Variants in PCNT observed in about 807,000 individuals in gnomAD.
The protein encoded by PCNT is kendrin.
PCNT carries 319 observed loss-of-function variants against 380.4 expected under a neutral mutation model. The ratio of observed to expected loss-of-function variants is 0.84; its 90% CI spans 0.77 to 0.92. The LOEUF (loss-of-function observed/expected upper bound fraction) is 0.92. Ranked by LOEUF, PCNT falls within the 40% of genes least tolerant of loss-of-function variation. The probability of loss-of-function intolerance (pLI) is 0.00; values close to 1 mark genes in which losing one functional copy is unlikely to be tolerated. For synonymous variants in PCNT, 1,845 were observed against 1,735.2 expected, an observed-to-expected ratio of 1.06 and a Z score of -1.57; for missense variants, 4,400 against 4,255.3, an observed-to-expected ratio of 1.03 and a Z score of -0.95.
intron 24 of PCNT, 79 bp downstream of exon 24, chr21:46,398,334 C>T (rs907382782): frequency 1.5e-5 from 22 of 1,422,620 alleles, no homozygotes; most frequent in Non-Finnish European, 9.7e-7. Context: ...TGTCCTGCCA[C>T]CCACTCGCTT....
chr21:46,391,058 A>G, intron 20 of PCNT, 106 bp from the exon 21 acceptor site: 2 of 1,232,376 alleles, frequency 1.6e-6, no homozygotes, highest in Non-Finnish European at 2.3e-6. Context: ...GCTGGCTCTT[A>G]GCTCTGCTGC....
Position 46,418,317 on chromosome 21 carries a change from T to C in PCNT, c.7024+11T>C. 1.4e-6 allele frequency: 2 copies of C among 1,438,128 alleles called. No individual in the cohort carries two copies. The highest frequency in any genetic ancestry group is 2.0e-6 in the Non-Finnish European group (2 of 1,020,318). 89.1% of individuals were successfully genotyped at this position (1,438,128 alleles called of 1,614,324 possible). A position where few individuals can be genotyped will look rare whatever the true frequency, so the allele number is the denominator to read the frequency against. On this transcript the variant is annotated intron_variant, in intron 31 of 46. Coordinates refer to ENST00000359568, the MANE Select transcript of PCNT (RefSeq NM_006031.6). The stretch of plus-strand genomic sequence containing the variant: ...ATAGAAGTGAGAAAAGTGAGTTGGT[T>C]ATCTTTCATTTTTAATTTTTTATTT...
In PCNT at chr21:46,411,704, C is replaced by G. The variant is rs16979162; in HGVS notation, c.5631C>G (p.Ile1877Met). 2 of 1,612,582 alleles carry G rather than the reference C, an allele frequency of 1.2e-6. No homozygotes were observed. The highest frequency in any genetic ancestry group is 1.7e-6 in the Non-Finnish European group (2 of 1,179,842). Residue 1877 changes from isoleucine to methionine, a missense_variant, in exon 28 of 47, where the codon ATC becomes ATG. Physicochemically the swap from Ile to Met is conservative, Grantham distance 10 (BLOSUM62 1). Coordinates refer to ENST00000359568, the MANE Select transcript of PCNT (RefSeq NM_006031.6). Reference protein sequence around the residue: ...EATIAERNLEIDALNQRKAAH... With the variant: ...EATIAERNLEMDALNQRKAAH... ...CGATTGCCGAGAGAAATTTAGAAAT[C>G]GACGCTCTGAACCAGCGGAAGGCGG...
chr21:46,397,836 G>T (rs1382282389), intron 22 of PCNT, among the ~76,000 whole-genome samples, 178 bp from the exon 23 acceptor site: 4 of 152,228 alleles, frequency 2.6e-5, no homozygotes, highest in African/African-American at 9.6e-5. Context: ...TCCATGCAGA[G>T]AGCTGTTTTT....
intron 14 of PCNT, 64 bp from the exon 15 acceptor site, chr21:46,366,520 T>C: frequency 7.0e-7 from 1 of 1,432,782 alleles, no homozygotes; most frequent in Non-Finnish European, 9.8e-7. Context: ...CTGACTTGGC[T>C]TTTGCAAGGG....
intron 12 of PCNT, 148 bp from the exon 13 acceptor site, chr21:46,356,826 T>G (rs1349215075): frequency 1.4e-6 from 1 of 692,740 alleles, no homozygotes; most frequent in Non-Finnish European, 2.5e-6. Context: ...CCATGCCTGC[T>G]TTCATCACTG....
chr21:46,381,587 G>C, intron 15 of PCNT, 107 bp from the exon 16 acceptor site: 1 of 1,020,960 alleles, frequency 9.8e-7, no homozygotes, highest in East Asian at 2.4e-5. Flanking sequence ...TCTTGGTGCA[G>C]AGTGGGGGCT....
In PCNT at chr21:46,416,473, T is replaced by TCAGG; in HGVS notation, c.6556_6559dup (p.Asp2187AlafsTer43). 1 of 1,614,146 alleles carries TCAGG rather than the reference T, an allele frequency of 6.2e-7. No individual in the cohort carries two copies. Among genetic ancestry groups the TCAGG allele is most frequent in the Non-Finnish European group, 8.5e-7 (1 of 1,180,026 alleles). On this transcript the variant is annotated frameshift_variant, in exon 30 of 47. Transcript: ENST00000359568. LOFTEE classifies it high-confidence loss of function. ...CTCCCATTCAAGAAAAATCAGAATG[T>TCAGG]CAGGACATGTCTCTTTCTTCACCGA...
At chr21:46,443,266 C>A in intron 44 of PCNT, 1 of 163,904 alleles carries the variant, frequency 6.1e-6, no homozygotes, top group South Asian at 1.6e-4. Flanking sequence ...CATCCAGGCT[C>A]GAGTGCAATG....
chr21:46,386,108 T>A, intron 17 of PCNT, 125 bp downstream of exon 17: 2 of 1,127,778 alleles, frequency 1.8e-6, no homozygotes, highest in South Asian at 2.5e-5. Flanking sequence ...TGGCTCCTGG[T>A]GGACGGGGAC....
chr21:46,359,506 T>TTTTTTTTTTTTTTTTTTC (rs1384504010), intron 13 of PCNT, among the ~76,000 whole-genome samples: 2 of 126,232 alleles, frequency 1.6e-5, no homozygotes, highest in Admixed American at 8.1e-5. Flanking sequence ...TTTTTTTTTT[T>TTTTTTTTTTTTTTTTTTC]TGAGACAGTG....
chr21:46,388,720 T>C lies in PCNT; in HGVS notation c.3465-22T>C. On this transcript the variant is annotated intron_variant, in intron 17 of 46. Coordinates refer to ENST00000359568, the MANE Select transcript of PCNT (RefSeq NM_006031.6). This position sits in a 1 kb window ranked among gnomAD's most constrained non-coding sequence, Gnocchi z 4.2. ...CTTATGCCGTGACCAGCTTGCCTGATGATGGGTGTCTCCTGTCTCAGAGGG... is the reference window on the plus strand; with the variant it reads ...CTTATGCCGTGACCAGCTTGCCTGACGATGGGTGTCTCCTGTCTCAGAGGG... 2 of 1,613,250 alleles carry C rather than the reference T, an allele frequency of 1.2e-6. No individual in the cohort carries two copies. The highest frequency in any genetic ancestry group is 2.2e-5 in the East Asian group (1 of 44,864).
At chr21:46,355,774 AGTG>A in intron 12 of PCNT, 148 bp downstream of exon 12, 2 of 820,534 alleles carry the variant, frequency 2.4e-6, no homozygotes, top group Admixed American at 4.1e-5. Flanking sequence ...ACCTCAACAG[AGTG>A]TGTCCTGATG....
rs564012469 is a variant in PCNT, at chr21:46,416,895, G to A, written c.6921+56G>A. On this transcript the variant is annotated intron_variant, in intron 30 of 46. Transcript: ENST00000359568. The stretch of plus-strand genomic sequence containing the variant: ...GTTCCCGTGGGAATGTGGTCTGCCC[G>A]GCGCCACGGCAGCTGCCATTGTTTG... 511 of 1,547,338 alleles carry A rather than the reference G, an allele frequency of 3.3e-4. 4 individuals are homozygous for A. In the African/African-American group the frequency reaches 5.5e-3, roughly 17 times the overall value.
chr21:46,398,055 G>A lies in PCNT; in HGVS notation c.4488G>A (p.Gln1496=), dbSNP rs1475970111. The part of the protein sequence containing the change: ...AEREHEREEF[Q]QEIQRLEGQL... The stretch of plus-strand genomic sequence containing the variant: ...GGGAGCACGAGCGCGAGGAGTTCCA[G>A]CAGGAGATTCAGAGGCTGGAGGGGC... Residue 1496 remains glutamine (Q), a synonymous_variant, in exon 23 of 47, where the codon CAG becomes CAA. Transcript: ENST00000359568. 6.3e-7 allele frequency: 1 copy of A among 1,597,014 alleles called. No homozygotes were observed. Among genetic ancestry groups the A allele is most frequent in the Non-Finnish European group, 8.5e-7 (1 of 1,172,898 alleles).
At position 46,416,157 on chromosome 21, in the gene PCNT, T is replaced by G. The variant is rs773220026; in HGVS notation, c.6239T>G (p.Leu2080Trp). ...CAGCTTCAGGAAAAACTGAACCGTT[T>G]GCTGTATTCCATGACCTTCCAGAAT... is the stretch of plus-strand genomic sequence containing the variant. ...VKQLQEKLNR[L>W]LYSMTFQNVD... Residue 2080 changes from leucine to tryptophan, a missense_variant, in exon 30 of 47, where the codon TTG becomes TGG. Coordinates refer to ENST00000359568, the MANE Select transcript of PCNT (RefSeq NM_006031.6). 3.1e-6 allele frequency: 5 copies of G among 1,614,222 alleles called. No homozygotes were observed. In the South Asian group the frequency reaches 3.3e-5, roughly 11 times the overall value.
intron 11 of PCNT, among the ~76,000 whole-genome samples, chr21:46,355,106 CA>C (rs989013457): frequency 1.1e-4 from 16 of 152,146 alleles, no homozygotes; most frequent in Non-Finnish European, 1.3e-4. Context: ...GTGAGGCCAC[CA>C]GGGGAGACGC....
At position 46,425,842 on chromosome 21, in the gene PCNT, G is replaced by A; in HGVS notation, c.7191G>A (p.Gln2397=). The A allele has an allele frequency of 6.2e-7, 1 of 1,613,716 alleles. No homozygotes were observed. The highest frequency in any genetic ancestry group is 8.5e-7 in the Non-Finnish European group (1 of 1,180,028). Residue 2397 remains glutamine, a synonymous_variant, in exon 33 of 47, where the codon CAG becomes CAA. Coordinates refer to ENST00000359568, the MANE Select transcript of PCNT (RefSeq NM_006031.6). This position sits in a 1 kb window ranked among gnomAD's most constrained non-coding sequence, Gnocchi z 4.2. Reference sequence around the variant, plus strand: ...CTTTCCCGCCACAGGCTTTACTGCAGATGGTGCGTGACGAGAGCCACCAGA... The same window carrying A: ...CTTTCCCGCCACAGGCTTTACTGCAAATGGTGCGTGACGAGAGCCACCAGA... The part of the protein sequence containing the change: ...VRPKHVKALL[Q]MVRDESHQIL...
rs779621529 is a variant in PCNT, at chr21:46,346,769, G to T, written c.747G>T (p.Ala249=). Residue 249 remains alanine, a synonymous_variant, in exon 5 of 47, where the codon GCG becomes GCT. Transcript: ENST00000359568. ...SQAVHGLELE[A]LRLSLSNMHT... is the part of the protein sequence containing the mutation. ...CCGTGCATGGCCTTGAGCTGGAGGC[G>T]CTGCGCCTGAGTCTGAGCAACATGC... 66 of 1,596,828 alleles carry T rather than the reference G, an allele frequency of 4.1e-5. No homozygotes were observed. The highest frequency in any genetic ancestry group is 1.7e-4 in the Middle Eastern group (1 of 5,758).
Sources: gnomAD v4.1 joint callset for allele counts (sites outside exome capture counted in the v4.1 genomes callset) on GRCh38, gnomAD v4.1.1 for gene constraint, Gnocchi (gnomAD v3.1) non-coding constraint, MANE v1.5 for transcripts, NCBI Gene and HGNC (gene_info 2026-07-23, HGNC 2026-07-21) for gene names.